The following DIAPH2 variants were observed in gnomAD, a reference collection of about 807,000 sequenced individuals.
DIAPH2 encodes the protein diaphanous related formin 2.
A neutral mutation model predicts 92.7 loss-of-function variants in DIAPH2; 35 were observed. That is an observed-to-expected ratio of 0.38 (90% CI 0.29 to 0.50). The LOEUF is 0.50. Among genes scored for constraint, DIAPH2 ranks in the 20% least tolerant of loss-of-function variants. The pLI is 0.94. For synonymous variants in DIAPH2, 301 were observed against 280.4 expected, an observed-to-expected ratio of 1.07 and a Z score of -0.73; for missense variants, 701 against 819.5, an observed-to-expected ratio of 0.86 and a Z score of 1.77.
chrX:97,412,821 C>T (rs184464794), intron 25 of DIAPH2, among the ~76,000 whole-genome samples: 16 of 111,976 alleles, frequency 1.4e-4, no homozygotes, highest in African/African-American at 5.2e-4. Flanking sequence ...GGATAAATTC[C>T]TGGACACATA....
intron 22 of DIAPH2, among the ~76,000 whole-genome samples, chrX:97,189,170 A>G (rs1425477047): frequency 1.8e-5 from 2 of 111,887 alleles, no homozygotes; most frequent in Non-Finnish European, 3.8e-5. Flanking sequence ...TAATTCAGGT[A>G]TGTAAGCAAG....
Position 97,090,298 on chromosome X carries a change from C to CTTTTTTT in DIAPH2, c.2248-9366_2248-9360dup, listed in dbSNP as rs760073834. On this transcript the variant is annotated intron_variant, in intron 19 of 26. Coordinates refer to ENST00000324765, the MANE Select transcript of DIAPH2 (RefSeq NM_006729.5). ...GTGATCCTCTGATTGTCTCTGATCCCTTTTTTTTTTTTTTTTTTTTTTTTT... is the reference window on the plus strand; with the variant it reads ...GTGATCCTCTGATTGTCTCTGATCCCTTTTTTTTTTTTTTTTTTTTTTTTTTTTTTTT... Among the ~76,000 whole-genome samples the CTTTTTTT allele has an allele frequency of 4.1e-4, 16 of 38,867 alleles. 3 individuals carry two copies. Among genetic ancestry groups the CTTTTTTT allele is most frequent in the Admixed American group, 1.1e-3 (3 of 2,783 alleles). 33.8% of individuals were successfully genotyped at this position (38,867 alleles called of 115,157 possible).
chrX:97,217,685 C>T (rs769550894), intron 22 of DIAPH2, among the ~76,000 whole-genome samples: 15 of 112,328 alleles, frequency 1.3e-4, no homozygotes, highest in Non-Finnish European at 2.4e-4. Flanking sequence ...TGTTGGCTCA[C>T]GCCTGTAATC....
At chrX:97,095,098 C>CTTTTTTTTT (rs61350837) in intron 19 of DIAPH2, among the ~76,000 whole-genome samples, 269 of 22,411 alleles carry the variant, frequency 0.012, 99 homozygotes, top group Non-Finnish European at 0.02. Context: ...GTTTCTTTTT[C>CTTTTTTTTT]TTTTTTTTTT....
intron 25 of DIAPH2, among the ~76,000 whole-genome samples, chrX:97,390,637 A>T (rs1457793049): frequency 9.0e-6 from 1 of 111,336 alleles, no homozygotes; most frequent in Admixed American, 9.6e-5. Flanking sequence ...GGTTCAAGTG[A>T]TTCTCCTGCC....
intron 26 of DIAPH2, among the ~76,000 whole-genome samples, chrX:97,573,656 G>GTT (rs1179976009): frequency 7.9e-4 from 76 of 96,571 alleles, no homozygotes; most frequent in African/African-American, 2.7e-3. Flanking sequence ...GGGTTTTTTT[G>GTT]TTTTTTTTTT....
chrX:96,693,209 C>G (rs2063807004), intron 1 of DIAPH2, among the ~76,000 whole-genome samples: 1 of 112,220 alleles, frequency 8.9e-6, no homozygotes. Flanking sequence ...GCTGTAGACT[C>G]AAGTAGATTT....
chrX:97,361,413 A>G (rs1428276031), intron 24 of DIAPH2, among the ~76,000 whole-genome samples: 2 of 111,917 alleles, frequency 1.8e-5, no homozygotes. Flanking sequence ...TTATTGCTCA[A>G]GTTTTTCTGT....
At chrX:97,234,388 G>C (rs2068032712) in intron 22 of DIAPH2, among the ~76,000 whole-genome samples, 1 of 108,975 alleles carries the variant, frequency 9.2e-6, no homozygotes, top group Admixed American at 9.8e-5. Context: ...GTATACCTAG[G>C]CAATCCACTT....
At chrX:96,895,061 T>C (rs2065335453) in intron 5 of DIAPH2, among the ~76,000 whole-genome samples, 1 of 101,213 alleles carries the variant, frequency 9.9e-6, no homozygotes, top group East Asian at 3.1e-4. Context: ...TGGAGTGTAG[T>C]GGCGCAATCT....
At position 96,795,907 on chromosome X, in the gene DIAPH2, T is replaced by C. The variant is rs1166785841; in HGVS notation, c.447+37649T>C. On this transcript the variant is annotated intron_variant, in intron 4 of 26. Transcript: ENST00000324765. ...GAAAATGTCTGCCTTTTAATTGATA[T>C]GGTTAATGCATTTACATTTCATGCA... is the stretch of plus-strand genomic sequence containing the variant. 7.2e-5 allele frequency among the ~76,000 whole-genome samples: 8 copies of C among 111,878 alleles called. No homozygotes were observed. The South Asian group carries it at 3.0e-3, about 42-fold the overall frequency.
chrX:97,542,421 G>C (rs900107203), intron 26 of DIAPH2, among the ~76,000 whole-genome samples: 2 of 112,111 alleles, frequency 1.8e-5, no homozygotes, highest in African/African-American at 3.2e-5. Flanking sequence ...TAAAGTATTT[G>C]TTTGGAGAAC....
chrX:97,577,918 C>A (rs2071408774), intron 26 of DIAPH2, among the ~76,000 whole-genome samples: 1 of 111,066 alleles, frequency 9.0e-6, no homozygotes, highest in African/African-American at 3.3e-5. Context: ...TATGTCTTCT[C>A]TTGCAGTGAA....
At chrX:97,237,665 T>C (rs1488860552) in intron 22 of DIAPH2, among the ~76,000 whole-genome samples, 1 of 110,211 alleles carries the variant, frequency 9.1e-6, no homozygotes, top group Non-Finnish European at 1.9e-5. Flanking sequence ...CACTGCAAGC[T>C]CCACCTCCCG....
intron 19 of DIAPH2, among the ~76,000 whole-genome samples, chrX:97,090,272 C>T (rs932907351): frequency 1.1e-5 from 1 of 89,510 alleles, no homozygotes; most frequent in Non-Finnish European, 2.1e-5. Flanking sequence ...AAGAATTGTT[C>T]GTGATCCTCT....
intron 4 of DIAPH2, among the ~76,000 whole-genome samples, chrX:96,779,699 C>T (rs2064402450): frequency 8.9e-6 from 1 of 111,892 alleles, no homozygotes; most frequent in East Asian, 2.8e-4. Context: ...TAACTGTTAT[C>T]AAGCATGAAT....
intron 17 of DIAPH2, among the ~76,000 whole-genome samples, chrX:97,013,880 A>G (rs754612699): frequency 6.0e-4 from 67 of 111,932 alleles, no homozygotes; most frequent in Non-Finnish European, 9.2e-4. Context: ...CTTAGAAACT[A>G]TTAATAGCTA....
At chrX:97,295,091 T>A (rs2068632486) in intron 23 of DIAPH2, among the ~76,000 whole-genome samples, 1 of 111,683 alleles carries the variant, frequency 9.0e-6, no homozygotes, top group Admixed American at 9.7e-5. Flanking sequence ...TCAGTATATT[T>A]ACTAATAAAC....
intron 23 of DIAPH2, among the ~76,000 whole-genome samples, chrX:97,272,233 A>G (rs1202950850): frequency 2.7e-5 from 3 of 110,640 alleles, no homozygotes. Context: ...TCCTGACCTC[A>G]TGATCCACCC....
Sources: gnomAD v4.1 joint callset for allele counts (sites outside exome capture counted in the v4.1 genomes callset) on GRCh38, gnomAD v4.1.1 for gene constraint, MANE v1.5 for transcripts, NCBI Gene and HGNC (gene_info 2026-07-23, HGNC 2026-07-21) for gene names.